Variants in KRT80 observed in about 807,000 individuals in gnomAD.
KRT80 encodes the protein keratin, type II cytoskeletal 80.
A neutral mutation model predicts 51.5 loss-of-function variants in KRT80; 36 were observed. The ratio of observed to expected loss-of-function variants is 0.70; its 90% confidence interval spans 0.54 to 0.92. KRT80 has a LOEUF of 0.92. Among genes scored for constraint, KRT80 ranks in the 40% least tolerant of loss-of-function variants. The pLI is 0.00. For synonymous variants in KRT80, 235 were observed against 248.3 expected, an observed-to-expected ratio of 0.95 and a Z score of 0.50; for missense variants, 566 against 591.7, an observed-to-expected ratio of 0.96 and a Z score of 0.45.
chr12:52,170,924 G>A lies in KRT80; in HGVS notation c.*474C>T. The A allele has an allele frequency of 6.2e-6, 1 of 160,268 alleles. No individual in the cohort carries two copies. The highest frequency in any genetic ancestry group is 1.4e-5 in the Non-Finnish European group (1 of 72,570). The allele number at this position is 160,268 out of a possible 1,614,324, so 9.9% of individuals were successfully genotyped here. ...CCAGGAATTCCAGATACAGGACAGG[G>A]CCCACGCCGTCCTCCTCGGCTCCCG... On this transcript the variant is annotated 3_prime_UTR_variant, in exon 9 of 9. Coordinates refer to ENST00000394815, the MANE Select transcript of KRT80 (RefSeq NM_182507.3).
At chr12:52,172,866 A>C (rs73103470) in intron 6 of KRT80, among the ~76,000 whole-genome samples, 172 bp downstream of exon 6, 34,356 of 152,074 alleles carry the variant, frequency 0.23, 4,092 homozygotes, top group Non-Finnish European at 0.27. Flanking sequence ...CCTCATAACT[A>C]CTTTAGGAGG....
intron 1 of KRT80, among the ~76,000 whole-genome samples, chr12:52,189,357 C>T (rs1941448726): frequency 1.3e-5 from 2 of 152,240 alleles, no homozygotes. Context: ...CTCCCTGGGC[C>T]AGGCCCATTT....
intron 4 of KRT80, among the ~76,000 whole-genome samples, chr12:52,178,237 A>G (rs775394880): frequency 1.5e-4 from 23 of 152,188 alleles, no homozygotes; most frequent in Non-Finnish European, 2.6e-4. Context: ...AGGATAGCAC[A>G]ACCACACCTG....
intron 6 of KRT80, 107 bp downstream of exon 6, chr12:52,172,931 C>T (rs944440444): frequency 5.3e-6 from 7 of 1,321,380 alleles, no homozygotes; most frequent in African/African-American, 2.9e-5. Context: ...AGGCGCTAAG[C>T]GACCCACACA....
intron 4 of KRT80, among the ~76,000 whole-genome samples, chr12:52,176,248 TGGAG>T (rs1228517531): frequency 6.6e-6 from 1 of 152,170 alleles, no homozygotes; most frequent in Non-Finnish European, 1.5e-5. Flanking sequence ...TTGTGTGGTG[TGGAG>T]GTACCCAATG....
intron 4 of KRT80, among the ~76,000 whole-genome samples, chr12:52,176,234 G>A (rs745403695): frequency 1.1e-4 from 17 of 152,156 alleles, no homozygotes; most frequent in Non-Finnish European, 2.2e-4. Flanking sequence ...ATGACAATTC[G>A]GGCTTGTGTG....
At chr12:52,182,497 C>T (rs963863712) in intron 2 of KRT80, among the ~76,000 whole-genome samples, 1 of 152,154 alleles carries the variant, frequency 6.6e-6, no homozygotes, top group Admixed American at 6.5e-5. Flanking sequence ...GCCTCAGCCA[C>T]GATTATAGTG....
chr12:52,174,853 G>A (rs1244679892), intron 4 of KRT80, among the ~76,000 whole-genome samples: 1 of 152,158 alleles, frequency 6.6e-6, no homozygotes, highest in Non-Finnish European at 1.5e-5. Context: ...AGGCAGGTGG[G>A]ACCAGGGATC....
At chr12:52,177,612 G>T (rs1941250688) in intron 4 of KRT80, among the ~76,000 whole-genome samples, 1 of 151,474 alleles carries the variant, frequency 6.6e-6, no homozygotes, top group African/African-American at 2.4e-5. Flanking sequence ...TGGCTTGGAA[G>T]GGCTTTTCAG....
In KRT80 at chr12:52,191,843, C is replaced by G. The variant is rs575493679; in HGVS notation, c.60G>C (p.Pro20=). ...FSSLSSCEVT[P]VGSPRPGTSG... ...AGGTTCCAGGCCGGGGGCTGCCCACCGGGGTCACCTCACAGCTGCTGAGGC... is the reference window on the plus strand; with the variant it reads ...AGGTTCCAGGCCGGGGGCTGCCCACGGGGGTCACCTCACAGCTGCTGAGGC... Residue 20 remains proline (P), a synonymous_variant, in exon 1 of 9, where the codon CCG becomes CCC. Coordinates refer to ENST00000394815, the MANE Select transcript of KRT80 (RefSeq NM_182507.3). 1.3e-6 allele frequency: 2 copies of G among 1,572,304 alleles called. No individual in the cohort carries two copies. Among genetic ancestry groups the G allele is most frequent in the Admixed American group, 3.6e-5 (2 of 55,074 alleles).
intron 4 of KRT80, 29 bp from the exon 5 acceptor site, chr12:52,173,793 G>C (rs1376392472): frequency 3.1e-6 from 5 of 1,602,478 alleles, no homozygotes; most frequent in Non-Finnish European, 4.2e-6. Flanking sequence ...GGGGGCTCAG[G>C]GCTGGTGGGG....
intron 4 of KRT80, among the ~76,000 whole-genome samples, chr12:52,178,509 G>A (rs1334141134): frequency 1.3e-5 from 2 of 152,336 alleles, no homozygotes; most frequent in East Asian, 1.9e-4. Flanking sequence ...GGAGGGTACC[G>A]CCTGTGAGAG....
Position 52,169,837 on chromosome 12 carries a change from C to T in KRT80, c.*1561G>A, listed in dbSNP as rs1389715734. ...CTTTGGGGATGAGAATCTCTGAGTT[C>T]CCATGGCCAGAGAGTCAGTAACCCT... is the stretch of plus-strand genomic sequence containing the variant. On this transcript the variant is annotated 3_prime_UTR_variant, in exon 9 of 9. Coordinates refer to ENST00000394815, the MANE Select transcript of KRT80 (RefSeq NM_182507.3). The T allele has an allele frequency of 6.6e-6, 1 of 152,262 alleles. No individual in the cohort carries two copies. The highest frequency in any genetic ancestry group is 2.4e-5 in the African/African-American group (1 of 41,462). 9.4% of individuals were successfully genotyped at this position (152,262 alleles called of 1,614,324 possible). A position where few individuals can be genotyped will look rare whatever the true frequency, so the allele number is the denominator to read the frequency against.
chr12:52,173,019 G>T lies in KRT80; in HGVS notation c.957+19C>A. 2 of 1,591,908 alleles carry T rather than the reference G, an allele frequency of 1.3e-6. No individual in the cohort carries two copies. The highest frequency in any genetic ancestry group is 1.1e-5 in the South Asian group (1 of 89,268). ...CCTGCTCTCCTCCCCGCCCCCAGGC[G>T]CGTCCCCCAGATACTCACATGGCTC... On this transcript the variant is annotated intron_variant, in intron 6 of 8. Coordinates refer to ENST00000394815, the MANE Select transcript of KRT80 (RefSeq NM_182507.3).
chr12:52,180,691 G>A (rs781776220), intron 3 of KRT80, 83 bp from the exon 4 acceptor site: 14 of 1,589,514 alleles, frequency 8.8e-6, no homozygotes, highest in Admixed American at 1.7e-5. Context: ...TGCCTCCTGG[G>A]TGAGAGTGGG....
At chr12:52,173,257 ATC>A (rs1268895959) in intron 5 of KRT80, 94 bp from the exon 6 acceptor site, 1 of 1,385,320 alleles carries the variant, frequency 7.2e-7, no homozygotes, top group Non-Finnish European at 9.4e-7. Flanking sequence ...CTCCAGTCCC[ATC>A]TCCAACTCTG....
rs972187469 is a variant in KRT80 at position 52,191,421 on chromosome 12, G to C, written c.300+182C>G. Among the ~76,000 whole-genome samples the C allele has an allele frequency of 4.6e-5, 7 of 152,310 alleles. 2 individuals carry two copies. The highest frequency in any genetic ancestry group is 4.6e-4 in the Admixed American group (7 of 15,310). ...CCCTTTCTCCCCACATGCCAGGATG[G>C]ATCAGGGACTTCCCTCCCCCAGCCT... On this transcript the variant is annotated intron_variant, in intron 1 of 8. Coordinates refer to ENST00000394815, the MANE Select transcript of KRT80 (RefSeq NM_182507.3).
intron 8 of KRT80, 32 bp downstream of exon 8, chr12:52,171,626 C>A: frequency 6.2e-7 from 1 of 1,600,876 alleles, no homozygotes; most frequent in East Asian, 2.2e-5. Flanking sequence ...CACCCTCACC[C>A]CACCATGGGT....
rs1051912395 is a variant in KRT80 at position 52,176,568 on chromosome 12, G to C, written c.667-2804C>G. 4.7e-5 allele frequency among the ~76,000 whole-genome samples: 7 copies of C among 150,152 alleles called. 1 individual carries two copies. The highest frequency in any genetic ancestry group is 1.2e-4 in the African/African-American group (5 of 40,624). ...GCAATCTTGGCTCACTGCAACCTCTGCCTCCCGGGTTCAAGCAATTCTCCT... is the reference window on the plus strand; with the variant it reads ...GCAATCTTGGCTCACTGCAACCTCTCCCTCCCGGGTTCAAGCAATTCTCCT... On this transcript the variant is annotated intron_variant, in intron 4 of 8. Coordinates refer to ENST00000394815, the MANE Select transcript of KRT80 (RefSeq NM_182507.3).
Sources: allele counts gnomAD v4.1 joint callset (sites outside exome capture counted in the v4.1 genomes callset), GRCh38; gene constraint gnomAD v4.1.1; transcripts MANE v1.5; gene names NCBI Gene and HGNC (gene_info 2026-07-23, HGNC 2026-07-21).